The following CAMK1D variants were observed in gnomAD, a reference collection of about 807,000 sequenced individuals.
CAMK1D encodes the protein calcium/calmodulin dependent protein kinase ID, also known as calcium/calmodulin-dependent protein kinase type 1D.
CAMK1D carries 9 observed loss-of-function variants against 47.7 expected under a neutral mutation model. That is an observed-to-expected ratio of 0.19 (90% CI 0.11 to 0.33). The LOEUF is 0.33. Among genes scored for constraint, CAMK1D ranks in the 10% least tolerant of loss-of-function variants. CAMK1D has a pLI of 1.00. For missense variants in CAMK1D, 291 were observed against 488.7 expected, an observed-to-expected ratio of 0.60 and a Z score of 3.81; for synonymous variants, 184 against 184.9, an observed-to-expected ratio of 0.99 and a Z score of 0.04.
At chr10:12,695,078 A>T (rs995794576) in intron 3 of CAMK1D, among the ~76,000 whole-genome samples, 7 of 125,188 alleles carry the variant, frequency 5.6e-5, no homozygotes, top group Non-Finnish European at 1.1e-4. Context: ...ATAGGTAGAT[A>T]CATAGATACA....
At chr10:12,553,550 T>A (rs1167980442) in intron 2 of CAMK1D, among the ~76,000 whole-genome samples, 194 bp downstream of exon 2, 1 of 152,136 alleles carries the variant, frequency 6.6e-6, no homozygotes, top group Admixed American at 6.5e-5. Context: ...ACGGCCATGG[T>A]TGGGAGTAGT....
At chr10:12,429,399 G>T (rs1038553570) in intron 1 of CAMK1D, among the ~76,000 whole-genome samples, 7 of 152,238 alleles carry the variant, frequency 4.6e-5, no homozygotes, top group African/African-American at 1.7e-4. Context: ...GAGTGCAGTG[G>T]TGTGATCTCG....
At chr10:12,620,218 A>AAAAAAAAAAAAAAAAAG (rs1838957620) in intron 2 of CAMK1D, among the ~76,000 whole-genome samples, 1 of 127,016 alleles carries the variant, frequency 7.9e-6, no homozygotes, top group Admixed American at 8.3e-5. Flanking sequence ...AAAAAAAAAA[A>AAAAAAAAAAAAAAAAAG]TAAAGCTGCT....
intron 1 of CAMK1D, among the ~76,000 whole-genome samples, chr10:12,467,678 A>G (rs1833632841): frequency 6.6e-6 from 1 of 152,202 alleles, no homozygotes; most frequent in African/African-American, 2.4e-5. Context: ...GTTAGCAGAG[A>G]TACACTTCAT....
At chr10:12,698,681 T>TTTTTTTG (rs1833391045) in intron 3 of CAMK1D, among the ~76,000 whole-genome samples, 3 of 141,522 alleles carry the variant, frequency 2.1e-5, no homozygotes, top group Admixed American at 1.4e-4. Flanking sequence ...GAATTTTTTT[T>TTTTTTTG]TTTTTTTTTT....
At chr10:12,399,195 G>A (rs1176702297) in intron 1 of CAMK1D, among the ~76,000 whole-genome samples, 1 of 152,090 alleles carries the variant, frequency 6.6e-6, no homozygotes, top group Non-Finnish European at 1.5e-5. Context: ...TAGTCCCCAA[G>A]TATATCCAGG....
At chr10:12,417,637 C>T (rs1405324235) in intron 1 of CAMK1D, among the ~76,000 whole-genome samples, 2 of 152,220 alleles carry the variant, frequency 1.3e-5, no homozygotes, top group East Asian at 3.9e-4. Flanking sequence ...CCTCTACCTC[C>T]TGGCTCCTTC....
chr10:12,503,288 C>A (rs954782405), intron 1 of CAMK1D, among the ~76,000 whole-genome samples: 1 of 152,144 alleles, frequency 6.6e-6, no homozygotes, highest in Non-Finnish European at 1.5e-5. Flanking sequence ...TTGCTCCTCG[C>A]CCCGCCTGAT....
Position 12,718,932 on chromosome 10 carries a change from C to T in CAMK1D, c.300-42016C>T, listed in dbSNP as rs539029318. 1.0e-3 allele frequency among the ~76,000 whole-genome samples: 159 copies of T among 152,306 alleles called. 1 individual carries two copies. The highest frequency in any genetic ancestry group is 2.5e-3 in the African/African-American group (102 of 41,572). ...TGTAAGTCATGTACTGCTCATCTAA[C>T]GAACAGTCCCTGCTAGCCTTGCCTG... On this transcript the variant is annotated intron_variant, in intron 3 of 10. Coordinates refer to ENST00000619168, the MANE Select transcript of CAMK1D (RefSeq NM_153498.4).
chr10:12,570,018 G>T (rs938704027), intron 2 of CAMK1D, among the ~76,000 whole-genome samples: 1 of 151,964 alleles, frequency 6.6e-6, no homozygotes, highest in Non-Finnish European at 1.5e-5. Flanking sequence ...TGACCAATAT[G>T]GTGAAACCGC....
At chr10:12,466,632 G>C (rs181242539) in intron 1 of CAMK1D, among the ~76,000 whole-genome samples, 35 of 151,612 alleles carry the variant, frequency 2.3e-4, no homozygotes, top group African/African-American at 8.2e-4. Flanking sequence ...GTTTTCCTAG[G>C]GGGAGGTGTT....
chr10:12,802,236 G>T (rs1838512452), intron 6 of CAMK1D, among the ~76,000 whole-genome samples: 1 of 152,192 alleles, frequency 6.6e-6, no homozygotes, highest in South Asian at 2.1e-4. Flanking sequence ...AGGCACTCCT[G>T]TCCCCTGGCC....
chr10:12,729,698 C>A (rs1247580241), intron 3 of CAMK1D, among the ~76,000 whole-genome samples: 2 of 151,898 alleles, frequency 1.3e-5, no homozygotes, highest in African/African-American at 2.4e-5. Flanking sequence ...GGAGGAGGGA[C>A]GGTTAAACTT....
chr10:12,540,098 TC>T (rs67780633), intron 1 of CAMK1D, among the ~76,000 whole-genome samples: 8,568 of 148,738 alleles, frequency 0.058, 323 homozygotes, highest in South Asian at 0.073. Flanking sequence ...TTTTTTCTTT[TC>T]TTTTTTTTTT....
intron 1 of CAMK1D, among the ~76,000 whole-genome samples, chr10:12,436,395 C>T (rs1832635170): frequency 6.6e-6 from 1 of 152,156 alleles, no homozygotes; most frequent in South Asian, 2.1e-4. Flanking sequence ...GAAGGCTTGT[C>T]CAAGGAGAAT....
intron 2 of CAMK1D, among the ~76,000 whole-genome samples, chr10:12,557,172 A>C (rs941338035): frequency 6.6e-6 from 1 of 152,118 alleles, no homozygotes; most frequent in African/African-American, 2.4e-5. Context: ...CCTGGTAGAG[A>C]GGTCCAGTTG....
In CAMK1D at chr10:12,551,828, TC is replaced by T. The variant is rs371954839; in HGVS notation, c.93-1395del. Among the ~76,000 whole-genome samples the T allele has an allele frequency of 7.2e-3, 1,102 of 152,302 alleles. 12 individuals carry two copies. The highest frequency in any genetic ancestry group is 0.026 in the African/African-American group (1,065 of 41,568). ...TCCCGGGTCCATGGAAAAACTGTTG[TC>T]CATGAAGCTGGTCCCTGATGCCAAA... On this transcript the variant is annotated intron_variant, in intron 1 of 10. Coordinates refer to ENST00000619168, the MANE Select transcript of CAMK1D (RefSeq NM_153498.4).
chr10:12,775,074 A>G (rs1837222687), intron 5 of CAMK1D, among the ~76,000 whole-genome samples: 2 of 133,450 alleles, frequency 1.5e-5, no homozygotes, highest in African/African-American at 5.7e-5. Flanking sequence ...TGAGACTGTG[A>G]GAAGGCTCAG....
intron 2 of CAMK1D, among the ~76,000 whole-genome samples, chr10:12,592,907 T>A (rs540583801): frequency 5.9e-5 from 9 of 152,238 alleles, no homozygotes; most frequent in Non-Finnish European, 1.3e-4. Context: ...TGTTCTCTCC[T>A]TTCTGCCTGG....
Sources: allele counts gnomAD v4.1 joint callset (sites outside exome capture counted in the v4.1 genomes callset), GRCh38; gene constraint gnomAD v4.1.1; transcripts MANE v1.5; gene names NCBI Gene and HGNC (gene_info 2026-07-23, HGNC 2026-07-21).